Variants in ANKFY1 observed in about 807,000 individuals in gnomAD.
The protein encoded by ANKFY1 is ankyrin repeat and FYVE domain-containing protein 1.
A neutral mutation model predicts 128.3 loss-of-function variants in ANKFY1; 47 were observed. The observed-to-expected ratio is 0.37, with a 90% CI of 0.29 to 0.47. The LOEUF (loss-of-function observed/expected upper bound fraction) is 0.47, where lower values mean the gene tolerates loss of function less well. ANKFY1 is among the 20% of genes least tolerant of loss of function. The pLI, the probability that ANKFY1 is intolerant of heterozygous loss-of-function variation, is 1.00. For synonymous variants in ANKFY1, 553 were observed against 601.6 expected, an observed-to-expected ratio of 0.92 and a Z score of 1.18; for missense variants, 1,222 against 1,510.6, an observed-to-expected ratio of 0.81 and a Z score of 3.17.
At chr17:4,203,511 A>G in intron 7 of ANKFY1, among the ~76,000 whole-genome samples, 1 of 152,096 alleles carries the variant, frequency 6.6e-6, no homozygotes, top group East Asian at 1.9e-4. Flanking sequence ...AATAACAGGA[A>G]CAATCTACTG....
At chr17:4,186,997 G>A in intron 11 of ANKFY1, 1 of 1,216,474 alleles carries the variant, frequency 8.2e-7, no homozygotes, top group Non-Finnish European at 1.0e-6. Context: ...CGCCGCAACT[G>A]TTTTTTTTAA....
At chr17:4,240,836 GCTC>G (rs1967172757) in intron 2 of ANKFY1, among the ~76,000 whole-genome samples, 1 of 152,116 alleles carries the variant, frequency 6.6e-6, no homozygotes, top group South Asian at 2.1e-4. Flanking sequence ...ACCTCTCACT[GCTC>G]CTCTACATGG....
At chr17:4,260,675 C>T (rs1029584788) in intron 1 of ANKFY1, among the ~76,000 whole-genome samples, 8 of 148,606 alleles carry the variant, frequency 5.4e-5, no homozygotes, top group African/African-American at 2.0e-4. Context: ...AGCAGGATAG[C>T]CACAGAGATG....
intron 7 of ANKFY1, among the ~76,000 whole-genome samples, chr17:4,200,449 T>C (rs1000686851): frequency 2.0e-5 from 3 of 152,216 alleles, no homozygotes; most frequent in Non-Finnish European, 4.4e-5. Flanking sequence ...TGTGTGACTC[T>C]GATGGGTGAT....
At position 4,221,075 on chromosome 17, in the gene ANKFY1, G is replaced by A. The variant is rs565417865; in HGVS notation, c.323-3957C>T. On this transcript the variant is annotated intron_variant, in intron 3 of 24. Coordinates refer to ENST00000341657, the MANE Select transcript of ANKFY1 (RefSeq NM_001330063.2). Reference sequence around the variant, plus strand: ...ATGTAAATACACTTTGGAGACTTTAGGATTTTCTATGTGGCCTAGTTTTTT... The same window carrying A: ...ATGTAAATACACTTTGGAGACTTTAAGATTTTCTATGTGGCCTAGTTTTTT... Among the ~76,000 whole-genome samples the A allele has an allele frequency of 2.6e-5, 4 of 152,262 alleles. No individual in the cohort carries two copies. In the South Asian group the frequency reaches 8.3e-4, roughly 32 times the overall value.
chr17:4,180,136 C>A (rs2059483741), intron 16 of ANKFY1: 1 of 473,274 alleles, frequency 2.1e-6, no homozygotes, highest in African/African-American at 1.9e-5. Context: ...ACATTTAAAG[C>A]CTGAGAACCA....
intron 7 of ANKFY1, among the ~76,000 whole-genome samples, chr17:4,198,336 C>T (rs2059865565): frequency 6.6e-6 from 1 of 151,798 alleles, no homozygotes; most frequent in African/African-American, 2.4e-5. Context: ...AGAGTAATCC[C>T]ATGTCTGTTT....
In ANKFY1 at chr17:4,169,711, G is replaced by A. The variant is rs922715476; in HGVS notation, c.3287-423C>T. ...CTGAACACAAGTGTGGGATGTGAGC[G>A]GGAGCAGGCAGAAGACACGGGTGAT... is the stretch of plus-strand genomic sequence containing the variant. On this transcript the variant is annotated intron_variant, in intron 23 of 24. Coordinates refer to ENST00000341657, the MANE Select transcript of ANKFY1 (RefSeq NM_001330063.2). The surrounding 1 kb of genome is among the most constrained non-coding windows in gnomAD (Gnocchi z 5.0). Among the ~76,000 whole-genome samples, 11 of 152,210 alleles carry A rather than the reference G, an allele frequency of 7.2e-5. No homozygotes were observed. The highest frequency in any genetic ancestry group is 1.9e-4 in the East Asian group (1 of 5,204).
At chr17:4,254,804 G>A (rs1449462023) in intron 1 of ANKFY1, among the ~76,000 whole-genome samples, 2 of 152,130 alleles carry the variant, frequency 1.3e-5, no homozygotes, top group Non-Finnish European at 2.9e-5. Context: ...GACAGAAAGT[G>A]GGAATTAATA....
chr17:4,168,028 G>T, intron 24 of ANKFY1, 117 bp from the exon 25 acceptor site: 1 of 1,169,120 alleles, frequency 8.6e-7, no homozygotes, highest in Non-Finnish European at 1.2e-6. Flanking sequence ...TGCTACTCTG[G>T]CAACTCTGCC....
intron 7 of ANKFY1, among the ~76,000 whole-genome samples, chr17:4,203,554 G>A (rs1474935314): frequency 1.3e-5 from 2 of 152,034 alleles, no homozygotes; most frequent in Admixed American, 6.6e-5. Flanking sequence ...AGTGGCTCAC[G>A]TCTTTAATCC....
chr17:4,185,352 C>T (rs373417489), intron 11 of ANKFY1, among the ~76,000 whole-genome samples: 10 of 152,162 alleles, frequency 6.6e-5, no homozygotes, highest in African/African-American at 2.4e-4. Context: ...ATTACAGGCA[C>T]GCACCACCAC....
chr17:4,168,993 AC>A (rs1169530211), intron 24 of ANKFY1: 1 of 534,398 alleles, frequency 1.9e-6, no homozygotes, highest in Non-Finnish European at 3.4e-6. Flanking sequence ...CAGGAAAGCC[AC>A]CCGTCTGCAG....
chr17:4,229,926 A>G (rs1422923602), intron 3 of ANKFY1, among the ~76,000 whole-genome samples: 2 of 152,250 alleles, frequency 1.3e-5, no homozygotes, highest in African/African-American at 2.4e-5. Flanking sequence ...ACTGAAGAGG[A>G]GAATTTGAAT....
At position 4,181,952 on chromosome 17, in the gene ANKFY1, A is replaced by G. The variant is rs150328851; in HGVS notation, c.2121+229T>C. Among the ~76,000 whole-genome samples the G allele has an allele frequency of 1.7e-4, 26 of 152,346 alleles. 1 individual carries two copies. In the East Asian group the frequency reaches 4.4e-3, roughly 26 times the overall value. ...AGAAGGCTCCTGAGGAAACGCCGCCATTCTCTTGCTTCTTGGTAGTTTTCT... is the reference window on the plus strand; with the variant it reads ...AGAAGGCTCCTGAGGAAACGCCGCCGTTCTCTTGCTTCTTGGTAGTTTTCT... On this transcript the variant is annotated intron_variant, in intron 15 of 24. Transcript: ENST00000341657. The surrounding 1 kb of genome is among the most constrained non-coding windows in gnomAD (Gnocchi z 4.9).
chr17:4,246,445 G>T (rs1423316950), intron 1 of ANKFY1, among the ~76,000 whole-genome samples: 1 of 152,124 alleles, frequency 6.6e-6, no homozygotes, highest in Non-Finnish European at 1.5e-5. Context: ...TCTCCTCCAA[G>T]AGTTCACTGA....
chr17:4,208,345 C>T (rs1413918186), intron 5 of ANKFY1, among the ~76,000 whole-genome samples: 1 of 152,208 alleles, frequency 6.6e-6, no homozygotes, highest in East Asian at 1.9e-4. Context: ...AGAAGGCTGA[C>T]GTTCCGAGCC....
At chr17:4,171,622 G>A (rs2059321607) in intron 22 of ANKFY1, among the ~76,000 whole-genome samples, 3 of 152,178 alleles carry the variant, frequency 2.0e-5, no homozygotes, top group South Asian at 4.1e-4. Context: ...ACCTCAACAC[G>A]GAGCCCCTCC....
At chr17:4,206,551 C>T in intron 6 of ANKFY1, 65 bp from the exon 7 acceptor site, 1 of 1,424,060 alleles carries the variant, frequency 7.0e-7, no homozygotes. Flanking sequence ...TTAATTTCTC[C>T]CACCTTGACC....
Sources: gnomAD v4.1 joint callset for allele counts (sites outside exome capture counted in the v4.1 genomes callset) on GRCh38, gnomAD v4.1.1 for gene constraint, Gnocchi (gnomAD v3.1) non-coding constraint, MANE v1.5 for transcripts, NCBI Gene and HGNC (gene_info 2026-07-23, HGNC 2026-07-21) for gene names.